The following PCDHA2 variants were observed in gnomAD, a reference collection of about 807,000 sequenced individuals.
The protein encoded by PCDHA2 is protocadherin alpha-2.
In PCDHA2, 58 loss-of-function variants were observed where a neutral mutation model predicts 66.0. The ratio of observed to expected loss-of-function variants is 0.88; its 90% CI spans 0.71 to 1.09. The LOEUF is 1.09. Ranked by LOEUF, PCDHA2 falls within the 50% of genes least tolerant of loss-of-function variation. PCDHA2 has a pLI of 0.00. For synonymous variants in PCDHA2, 634 were observed against 554.0 expected (o/e 1.14, Z -2.03); for missense variants, 1,267 against 1,242.3 (o/e 1.02, Z -0.30).
At chr5:140,829,947 G>T in intron 1 of PCDHA2, 3 of 1,613,996 alleles carry the variant, frequency 1.9e-6, no homozygotes, top group South Asian at 1.1e-5. Flanking sequence ...AGCAGCGCTC[G>T]CTTCCCGTTT....
intron 2 of PCDHA2, chr5:140,982,271 G>A: frequency 1.1e-6 from 1 of 930,566 alleles, no homozygotes; most frequent in South Asian, 1.9e-5. Flanking sequence ...TCCTGGAATA[G>A]TATAGCAGGC....
intron 1 of PCDHA2, among the ~76,000 whole-genome samples, chr5:140,977,768 A>G (rs1264929933): frequency 1.3e-5 from 2 of 152,218 alleles, no homozygotes; most frequent in Non-Finnish European, 1.5e-5. Context: ...AATACTTTGC[A>G]TCCCTTAAAG....
chr5:140,931,430 A>G (rs1431087207), intron 1 of PCDHA2, among the ~76,000 whole-genome samples: 2 of 149,950 alleles, frequency 1.3e-5, no homozygotes, highest in Non-Finnish European at 3.0e-5. Flanking sequence ...AGTTAGAAGG[A>G]AAATTAGCTA....
intron 1 of PCDHA2, among the ~76,000 whole-genome samples, chr5:140,819,231 C>T (rs1173348496): frequency 6.6e-6 from 1 of 152,110 alleles, no homozygotes; most frequent in Admixed American, 6.5e-5. Flanking sequence ...TTCAACATTT[C>T]CTCTTCTCTG....
At chr5:140,808,424 C>T (rs1554124532) in intron 1 of PCDHA2, 1 of 1,614,174 alleles carries the variant, frequency 6.2e-7, no homozygotes, top group Admixed American at 1.7e-5. Flanking sequence ...GGACAGTGCC[C>T]TGGACCGCGA....
At chr5:140,856,076 G>T in intron 1 of PCDHA2, 1 of 1,593,874 alleles carries the variant, frequency 6.3e-7, no homozygotes, top group Non-Finnish European at 8.6e-7. Flanking sequence ...CTGCCTGGGG[G>T]TCCAGTGTCT....
chr5:140,996,237 G>T (rs1169717703), intron 3 of PCDHA2, among the ~76,000 whole-genome samples: 1 of 152,186 alleles, frequency 6.6e-6, no homozygotes, highest in Non-Finnish European at 1.5e-5. Context: ...GTTGCTCAAG[G>T]CTGAGAAGTG....
chr5:140,966,514 A>G (rs2096013065), intron 1 of PCDHA2: 1 of 434,820 alleles, frequency 2.3e-6, no homozygotes, highest in Non-Finnish European at 4.0e-6. Flanking sequence ...CAGCAGCAGC[A>G]GGAAGCCGAG....
intron 1 of PCDHA2, chr5:140,870,717 T>G: frequency 6.2e-7 from 1 of 1,613,180 alleles, no homozygotes. Flanking sequence ...GCGCGCGCGA[T>G]GCGGGCGTGC....
chr5:140,926,929 G>T, intron 1 of PCDHA2: 2 of 1,575,722 alleles, frequency 1.3e-6, no homozygotes, highest in South Asian at 2.3e-5. Flanking sequence ...ATGTTTGTGG[G>T]TTTCCTGCGG....
chr5:140,982,300 GCTT>G, intron 2 of PCDHA2, 172 bp from the exon 3 acceptor site: 2 of 1,204,624 alleles, frequency 1.7e-6, no homozygotes, highest in Non-Finnish European at 1.1e-6. Context: ...AGTCAGCAAT[GCTT>G]CTGCAGTTTA....
intron 1 of PCDHA2, chr5:140,807,913 T>G (rs544486989): frequency 6.2e-7 from 1 of 1,614,158 alleles, no homozygotes; most frequent in East Asian, 2.2e-5. Context: ...CCCCAGCTTT[T>G]GACAGAACCA....
At chr5:140,842,098 A>G (rs2150329282) in intron 1 of PCDHA2, 1 of 1,613,922 alleles carries the variant, frequency 6.2e-7, no homozygotes. Flanking sequence ...ACAACGGAAC[A>G]ACAGTTATCA....
intron 1 of PCDHA2, among the ~76,000 whole-genome samples, chr5:140,950,992 G>A (rs2094539287): frequency 6.6e-6 from 1 of 151,384 alleles, no homozygotes; most frequent in Admixed American, 6.6e-5. Flanking sequence ...GCCTCTTTTA[G>A]CTCCATTTTT....
chr5:140,802,494 C>T (rs142880719), intron 1 of PCDHA2: 1 of 1,614,046 alleles, frequency 6.2e-7, no homozygotes, highest in Non-Finnish European at 8.5e-7. Context: ...CGGGGGCTCG[C>T]CTTCACTGTG....
chr5:140,830,355 G>A (rs373021109), intron 1 of PCDHA2: 2 of 1,614,120 alleles, frequency 1.2e-6, no homozygotes, highest in Admixed American at 1.7e-5. Flanking sequence ...CAGCAGAGGC[G>A]GCAGAGGGTG....
At chr5:140,915,190 G>A (rs1317793585) in intron 1 of PCDHA2, among the ~76,000 whole-genome samples, 1 of 151,978 alleles carries the variant, frequency 6.6e-6, no homozygotes, top group Non-Finnish European at 1.5e-5. Context: ...CTAGTGATCC[G>A]CCCATCTTGG....
Position 140,809,258 on chromosome 5 carries a change from G to A in PCDHA2, c.2388+11906G>A, listed in dbSNP as rs565672389. On this transcript the variant is annotated intron_variant, in intron 1 of 3. Transcript: ENST00000526136. ...GTTGGTGGGCGCTGTGGGTCCCGAT[G>A]CTGCGCTGGTGGATGTCAACGTATA... 2.5e-6 allele frequency: 4 copies of A among 1,614,106 alleles called. No individual in the cohort carries two copies. The African/African-American group carries it at 4.0e-5, about 16-fold the overall frequency.
At chr5:140,995,488 C>T (rs1402273935) in intron 3 of PCDHA2, among the ~76,000 whole-genome samples, 26 of 152,182 alleles carry the variant, frequency 1.7e-4, no homozygotes, top group Admixed American at 1.6e-3. Context: ...TATTTTCAGA[C>T]TAAGGTTGAC....
Sources: allele counts gnomAD v4.1 joint callset (sites outside exome capture counted in the v4.1 genomes callset), GRCh38; gene constraint gnomAD v4.1.1; transcripts MANE v1.5; gene names NCBI Gene and HGNC (gene_info 2026-07-23, HGNC 2026-07-21).